Variants in SHC3 observed in about 807,000 individuals in gnomAD.
SHC3 encodes the protein SHC adaptor protein 3, also known as SHC-transforming protein 3.
SHC3 carries 15 observed loss-of-function variants against 60.4 expected under a neutral mutation model. The ratio of observed to expected loss-of-function variants is 0.25; its 90% CI spans 0.17 to 0.38. SHC3 has a LOEUF of 0.38. SHC3 is among the 10% of genes least tolerant of loss of function. SHC3 has a pLI of 1.00. For missense variants in SHC3, 677 were observed against 786.1 expected (o/e 0.86, Z 1.66); for synonymous variants, 294 against 325.9 (o/e 0.90, Z 1.05).
rs189357848 is a variant in SHC3, at chr9:89,009,736, T to C, written c.*3711A>G. On this transcript the variant is annotated 3_prime_UTR_variant, in exon 12 of 12. Coordinates refer to ENST00000375835, the MANE Select transcript of SHC3 (RefSeq NM_016848.6). The stretch of plus-strand genomic sequence containing the variant: ...GGAAAGGCCTATAGTCCGAGGCTTC[T>C]GCCCAGCTCAGCCCAACAGAAAAGA... 6.6e-6 allele frequency: 1 copy of C among 152,368 alleles called. No individual in the cohort carries two copies. The highest frequency in any genetic ancestry group is 1.9e-4 in the East Asian group (1 of 5,176). 9.4% of individuals were successfully genotyped at this position (152,368 alleles called of 1,614,324 possible). A position where few individuals can be genotyped will look rare whatever the true frequency, so the allele number is the denominator to read the frequency against.
Position 89,052,036 on chromosome 9 carries a change from C to G in SHC3, c.962+1G>C. 1.2e-6 allele frequency: 2 copies of G among 1,613,488 alleles called. No homozygotes were observed. The highest frequency in any genetic ancestry group is 2.2e-5 in the South Asian group (2 of 91,058). ...GCAAATGGTGTCACAGCACTACTCA[C>G]CGATCATGGAGAGCGGGAATCTTGG... On this transcript the variant is annotated splice_donor_variant, in intron 7 of 11. Coordinates refer to ENST00000375835, the MANE Select transcript of SHC3 (RefSeq NM_016848.6). LOFTEE classifies it high-confidence loss of function.
At chr9:89,045,216 T>C (rs558271783) in intron 9 of SHC3, among the ~76,000 whole-genome samples, 1 of 150,884 alleles carries the variant, frequency 6.6e-6, no homozygotes, top group East Asian at 2.0e-4. Context: ...GGGGTGTGAA[T>C]GGTCCTGGAG....
intron 11 of SHC3, among the ~76,000 whole-genome samples, chr9:89,016,373 G>A (rs772961360): frequency 1.1e-4 from 16 of 152,078 alleles, no homozygotes; most frequent in Non-Finnish European, 2.1e-4. Context: ...GCTCATCCTA[G>A]GTTGAGGAAC....
rs371064917 is a variant in SHC3, at chr9:89,154,500, C to A, written c.474+23487G>T. Among the ~76,000 whole-genome samples, 9 of 152,288 alleles carry A rather than the reference C, an allele frequency of 5.9e-5. No individual in the cohort carries two copies. In the East Asian group the frequency reaches 1.7e-3, roughly 29 times the overall value. On this transcript the variant is annotated intron_variant, in intron 1 of 11. Transcript: ENST00000375835. ...GGTTGGGTGTGAAAAGTGGTGCCCA[C>A]CCACTTTCAGTTTTCCAACCTCCTT... is the stretch of plus-strand genomic sequence containing the variant.
At chr9:89,112,436 G>C (rs1825962632) in intron 2 of SHC3, 120 bp downstream of exon 2, 8 of 1,017,136 alleles carry the variant, frequency 7.9e-6, no homozygotes, top group Non-Finnish European at 1.2e-5. Context: ...CTGACTCACT[G>C]TCACCAGCCA....
chr9:89,088,791 C>G (rs954105000), intron 2 of SHC3: 1 of 152,214 alleles, frequency 6.6e-6, no homozygotes. Flanking sequence ...ACGGTCATTA[C>G]CACGACAAAG....
chr9:89,041,910 A>G (rs1824693237), intron 10 of SHC3, 116 bp downstream of exon 10: 1 of 1,308,626 alleles, frequency 7.6e-7, no homozygotes, highest in Non-Finnish European at 1.0e-6. Context: ...GCTAATCATC[A>G]CCATTAACCA....
intron 6 of SHC3, among the ~76,000 whole-genome samples, chr9:89,055,484 T>C (rs7048604): frequency 0.74 from 112,453 of 152,188 alleles, 42,083 homozygotes; most frequent in East Asian, 0.99. Flanking sequence ...CATTCTTGCT[T>C]ACTCATTTCT....
At position 89,080,488 on chromosome 9, in the gene SHC3, C is replaced by T. The variant is rs1052483499; in HGVS notation, c.546-2585G>A. ...ATGTAGTAGCATCTTTCTCCCTCCT[C>T]ATCCATCTCACTACAGCCCATCCCA... On this transcript the variant is annotated intron_variant, in intron 2 of 11. Coordinates refer to ENST00000375835, the MANE Select transcript of SHC3 (RefSeq NM_016848.6). Among the ~76,000 whole-genome samples the T allele has an allele frequency of 8.6e-5, 13 of 151,868 alleles. No homozygotes were observed. The South Asian group carries it at 2.7e-3, about 31-fold the overall frequency.
intron 11 of SHC3, among the ~76,000 whole-genome samples, chr9:89,027,891 A>G (rs900366574): frequency 6.6e-6 from 1 of 152,246 alleles, no homozygotes; most frequent in Non-Finnish European, 1.5e-5. Flanking sequence ...GAAGGAGGGC[A>G]GCCAGGCTGC....
chr9:89,035,850 GA>G (rs1824565395), intron 11 of SHC3, among the ~76,000 whole-genome samples: 2 of 102,466 alleles, frequency 2.0e-5, no homozygotes, highest in African/African-American at 7.1e-5. Context: ...TATATATATA[GA>G]TGTGTGTGTG....
In SHC3 at chr9:89,007,596, A is replaced by G. The variant is rs1209205406; in HGVS notation, c.*5851T>C. 1 of 152,332 alleles carries G rather than the reference A, an allele frequency of 6.6e-6. No individual in the cohort carries two copies. The highest frequency in any genetic ancestry group is 2.4e-5 in the African/African-American group (1 of 41,460). 9.4% of individuals were successfully genotyped at this position (152,332 alleles called of 1,614,324 possible). A position where few individuals can be genotyped will look rare whatever the true frequency, so the allele number is the denominator to read the frequency against. On this transcript the variant is annotated 3_prime_UTR_variant, in exon 12 of 12. Transcript: ENST00000375835. ...GCTGCACCTGGGAATACACGAAAGCATGACATCACGAGCACAGCCTCCTCC... is the reference window on the plus strand; with the variant it reads ...GCTGCACCTGGGAATACACGAAAGCGTGACATCACGAGCACAGCCTCCTCC...
At position 89,037,973 on chromosome 9, in the gene SHC3, C is replaced by A; in HGVS notation, c.1656+20G>T. 2 of 1,602,062 alleles carry A rather than the reference C, an allele frequency of 1.2e-6. No individual in the cohort carries two copies. Among genetic ancestry groups the A allele is most frequent in the South Asian group, 1.1e-5 (1 of 90,906 alleles). ...CTGCACCCACTGGCAGGTCCGGCCC[C>A]ACCCCCACTGGGTGCTCACCGTGCC... On this transcript the variant is annotated intron_variant, in intron 11 of 11. Transcript: ENST00000375835.
intron 1 of SHC3, among the ~76,000 whole-genome samples, chr9:89,142,762 A>G (rs1826412863): frequency 6.6e-6 from 1 of 151,866 alleles, no homozygotes; most frequent in Non-Finnish European, 1.5e-5. Flanking sequence ...CTCTAACCCA[A>G]TCCCATCCTT....
chr9:89,178,700 G>T lies in SHC3; in HGVS notation c.-240C>A, dbSNP rs923590408. 2.5e-5 allele frequency: 10 copies of T among 398,444 alleles called. No individual in the cohort carries two copies. The highest frequency in any genetic ancestry group is 4.4e-5 in the Non-Finnish European group (10 of 224,938). The allele number at this position is 398,444 out of a possible 1,614,324, so 24.7% of individuals were successfully genotyped here. ...GACCGCTGCTTGGGGTTGCACGTTT[G>T]CTTTGCAAAAGTCATAGTTGCCTCT... On this transcript the variant is annotated 5_prime_UTR_variant, in exon 1 of 12. Transcript: ENST00000375835. This position sits in a 1 kb window ranked among gnomAD's most constrained non-coding sequence, Gnocchi z 6.9.
At chr9:89,097,127 A>C (rs931138950) in intron 2 of SHC3, among the ~76,000 whole-genome samples, 4 of 149,390 alleles carry the variant, frequency 2.7e-5, no homozygotes, top group African/African-American at 9.8e-5. Flanking sequence ...AAAAAAAAAA[A>C]AAAAAAACAA....
At position 89,147,410 on chromosome 9, in the gene SHC3, C is replaced by T. The variant is rs565501127; in HGVS notation, c.474+30577G>A. ...TTGTGCCAACTCCCCACCCATCCTC[C>T]TGCCAAACTGAATTTTCAGCAACAT... On this transcript the variant is annotated intron_variant, in intron 1 of 11. Transcript: ENST00000375835. Among the ~76,000 whole-genome samples, 5 of 152,284 alleles carry T rather than the reference C, an allele frequency of 3.3e-5. No individual in the cohort carries two copies. In the East Asian group the frequency reaches 9.7e-4, roughly 29 times the overall value.
chr9:89,017,908 G>A (rs1164213140), intron 11 of SHC3, among the ~76,000 whole-genome samples: 2 of 152,184 alleles, frequency 1.3e-5, no homozygotes, highest in East Asian at 3.8e-4. Context: ...CATCATCAGT[G>A]GTGATTACAG....
chr9:89,119,534 A>G (rs1225109079), intron 1 of SHC3, among the ~76,000 whole-genome samples: 2 of 152,188 alleles, frequency 1.3e-5, no homozygotes, highest in African/African-American at 4.8e-5. Flanking sequence ...CTTGTTTACA[A>G]TAGCAAGAAC....
Sources: allele counts gnomAD v4.1 joint callset (sites outside exome capture counted in the v4.1 genomes callset), GRCh38; gene constraint gnomAD v4.1.1; non-coding constraint Gnocchi (gnomAD v3.1); transcripts MANE v1.5; gene names NCBI Gene and HGNC (gene_info 2026-07-23, HGNC 2026-07-21).